Variants in CATSPERT observed in about 807,000 individuals in gnomAD.
CATSPERT encodes the protein catsper channel auxiliary subunit tau.
chr2:201,585,444 A>T, the CATSPERT span, among the ~76,000 whole-genome samples: 4 of 151,768 alleles, frequency 2.6e-5, no homozygotes, highest in Non-Finnish European at 5.9e-5. Flanking sequence ...CAAAATCATT[A>T]TGTCACCAAC....
At chr2:201,515,202 G>GTTTTTTTTTTTTTTTTTTTTTTTT in the CATSPERT span, among the ~76,000 whole-genome samples, 11 of 24,672 alleles carry the variant, frequency 4.5e-4, 3 homozygotes, top group African/African-American at 1.7e-3. Context: ...TCTGCCCATA[G>GTTTTTTTTTTTTTTTTTTTTTTTT]TTTTTTTTTT....
At chr2:201,502,360 T>G in the CATSPERT span, among the ~76,000 whole-genome samples, 1 of 151,592 alleles carries the variant, frequency 6.6e-6, no homozygotes, top group Non-Finnish European at 1.5e-5. Context: ...GATCACGAGG[T>G]CAGGAGTTTG....
the CATSPERT span, among the ~76,000 whole-genome samples, chr2:201,567,369 G>C: frequency 7.9e-5 from 12 of 152,132 alleles, no homozygotes; most frequent in African/African-American, 2.9e-4. Context: ...CATAAAAAGA[G>C]AACCAATAGG....
the CATSPERT span, chr2:201,492,294 C>T: frequency 1.3e-6 from 2 of 1,534,792 alleles, no homozygotes; most frequent in East Asian, 2.5e-5. Flanking sequence ...AATTTATATG[C>T]TGGTTGATCC....
chr2:201,504,297 C>A, the CATSPERT span, among the ~76,000 whole-genome samples: 12 of 152,350 alleles, frequency 7.9e-5, no homozygotes, highest in South Asian at 2.3e-3. Context: ...AATTATAAGG[C>A]TCACTTTGTC....
chr2:201,581,204 G>A, the CATSPERT span, among the ~76,000 whole-genome samples: 2 of 151,148 alleles, frequency 1.3e-5, no homozygotes, highest in South Asian at 2.1e-4. Context: ...TCAGGAGTAC[G>A]AGACCAGCCT....
the CATSPERT span, among the ~76,000 whole-genome samples, chr2:201,520,576 G>A: frequency 6.6e-6 from 1 of 152,166 alleles, no homozygotes; most frequent in Non-Finnish European, 1.5e-5. Context: ...ACTGCGTGAA[G>A]AAAGAAATTA....
the CATSPERT span, chr2:201,534,967 T>C: frequency 0.64 from 243,306 of 381,784 alleles, 79,958 homozygotes; most frequent in East Asian, 0.95. Context: ...AAAAGATATA[T>C]GTACATATGC....
At chr2:201,488,153 T>C in the CATSPERT span, among the ~76,000 whole-genome samples, 1 of 152,196 alleles carries the variant, frequency 6.6e-6, no homozygotes, top group African/African-American at 2.4e-5. Flanking sequence ...GCAACCATGC[T>C]TTAAAAAGAT....
At chr2:201,500,340 CTG>C in the CATSPERT span, among the ~76,000 whole-genome samples, 1 of 151,998 alleles carries the variant, frequency 6.6e-6, no homozygotes, top group South Asian at 2.1e-4. Context: ...CGGTGAAACC[CTG>C]TCTCTACTAA....
At chr2:201,615,576 T>C in the CATSPERT span, among the ~76,000 whole-genome samples, 1 of 152,210 alleles carries the variant, frequency 6.6e-6, no homozygotes, top group South Asian at 2.1e-4. Flanking sequence ...AGGAAATTTA[T>C]AGCACTAAAT....
the CATSPERT span, among the ~76,000 whole-genome samples, chr2:201,498,357 G>C: frequency 1.3e-5 from 2 of 152,040 alleles, no homozygotes; most frequent in Non-Finnish European, 2.9e-5. Flanking sequence ...GAAAAACCTG[G>C]AGTCTGATGT....
the CATSPERT span, among the ~76,000 whole-genome samples, chr2:201,490,369 C>T: frequency 1.3e-5 from 2 of 152,176 alleles, no homozygotes; most frequent in Middle Eastern, 3.4e-3. Flanking sequence ...AAAGATAATT[C>T]GCTATGTGAA....
the CATSPERT span, among the ~76,000 whole-genome samples, chr2:201,581,569 T>C: frequency 3.7e-3 from 285 of 77,042 alleles, 31 homozygotes; most frequent in African/African-American, 0.013. Context: ...TATATATATA[T>C]ATATATATAT....
chr2:201,524,962 T>A, the CATSPERT span, among the ~76,000 whole-genome samples: 1 of 152,178 alleles, frequency 6.6e-6, no homozygotes, highest in South Asian at 2.1e-4. Flanking sequence ...CCCAGATACA[T>A]GAAACAAGTT....
the CATSPERT span, among the ~76,000 whole-genome samples, chr2:201,600,751 C>G: frequency 1.6e-5 from 1 of 64,034 alleles, no homozygotes; most frequent in Admixed American, 2.7e-4. Flanking sequence ...GGAATAATGT[C>G]ATTCTTTTTT....
At chr2:201,571,292 A>T in the CATSPERT span, among the ~76,000 whole-genome samples, 3 of 152,174 alleles carry the variant, frequency 2.0e-5, no homozygotes, top group Non-Finnish European at 4.4e-5. Context: ...TTCAGAGCAC[A>T]ATTTCCCGTT....
chr2:201,610,762 T>C, the CATSPERT span, among the ~76,000 whole-genome samples: 1 of 151,974 alleles, frequency 6.6e-6, no homozygotes, highest in Non-Finnish European at 1.5e-5. Context: ...AAAGATAATA[T>C]ATATATATAC....
the CATSPERT span, chr2:201,536,157 C>T: frequency 5.6e-6 from 9 of 1,613,316 alleles, no homozygotes; most frequent in South Asian, 1.1e-5. Context: ...TGGTATTCTG[C>T]CTGCTTTTAT....
Sources: allele counts gnomAD v4.1 joint callset (sites outside exome capture counted in the v4.1 genomes callset), GRCh38; gene constraint gnomAD v4.1.1; transcripts MANE v1.5; gene names NCBI Gene and HGNC (gene_info 2026-07-23, HGNC 2026-07-21).